The following DLG2 variants were observed in gnomAD, a reference collection of about 807,000 sequenced individuals.
The protein encoded by DLG2 is disks large homolog 2.
DLG2 carries 45 observed loss-of-function variants against 132.5 expected under a neutral mutation model. The observed-to-expected ratio is 0.34, with a 90% CI of 0.27 to 0.44. DLG2 has a LOEUF of 0.44. Among genes scored for constraint, DLG2 ranks in the 20% least tolerant of loss-of-function variants. DLG2 has a pLI of 1.00. For synonymous variants in DLG2, 424 were observed against 419.6 expected, an observed-to-expected ratio of 1.01 and a Z score of -0.13; for missense variants, 1,045 against 1,196.9, an observed-to-expected ratio of 0.87 and a Z score of 1.87.
chr11:83,827,539 CA>C (rs2053232013), intron 17 of DLG2, among the ~76,000 whole-genome samples: 2 of 152,180 alleles, frequency 1.3e-5, no homozygotes, highest in African/African-American at 4.8e-5. Context: ...TCTGGCAATA[CA>C]TATTCCCAAT....
At chr11:83,638,931 G>A (rs2065611178) in intron 18 of DLG2, among the ~76,000 whole-genome samples, 1 of 152,182 alleles carries the variant, frequency 6.6e-6, no homozygotes, top group Non-Finnish European at 1.5e-5. Context: ...ACACAGTGAG[G>A]GGGGCTCTGC....
chr11:84,835,383 C>A (rs574539574), intron 6 of DLG2, among the ~76,000 whole-genome samples: 3 of 151,568 alleles, frequency 2.0e-5, no homozygotes, highest in Non-Finnish European at 4.4e-5. Context: ...CTCATTTAGA[C>A]TCTCTATGGC....
intron 3 of DLG2, chr11:85,335,984 T>C (rs1284202480): frequency 1.3e-5 from 2 of 152,206 alleles, no homozygotes; most frequent in Admixed American, 6.5e-5. Flanking sequence ...TATTTGCACA[T>C]GCTGAATATA....
intron 18 of DLG2, chr11:83,682,389 G>A: frequency 4.1e-6 from 4 of 985,350 alleles, no homozygotes; most frequent in Non-Finnish European, 4.8e-6. Flanking sequence ...CGCTCACTGG[G>A]TACATATATT....
At chr11:85,130,510 A>T (rs1480012777) in intron 5 of DLG2, among the ~76,000 whole-genome samples, 1 of 152,206 alleles carries the variant, frequency 6.6e-6, no homozygotes, top group African/African-American at 2.4e-5. Context: ...TCCTGCCACT[A>T]AAAACTTGAC....
chr11:84,318,235 A>T (rs891118472), intron 7 of DLG2, among the ~76,000 whole-genome samples: 2 of 152,234 alleles, frequency 1.3e-5, no homozygotes, highest in Non-Finnish European at 2.9e-5. Flanking sequence ...AAATTTTAGC[A>T]TGCTTGCTGA....
At chr11:84,492,993 TTAAAA>T (rs1434358315) in intron 7 of DLG2, among the ~76,000 whole-genome samples, 1 of 152,136 alleles carries the variant, frequency 6.6e-6, no homozygotes, top group East Asian at 1.9e-4. Flanking sequence ...TTCTATGATC[TTAAAA>T]TGAAATGGCC....
chr11:84,589,685 A>G (rs770572558), intron 6 of DLG2, among the ~76,000 whole-genome samples: 1 of 152,184 alleles, frequency 6.6e-6, no homozygotes, highest in East Asian at 1.9e-4. Context: ...TTCTATAATT[A>G]TATATTTACC....
At chr11:84,347,181 A>C (rs553962819) in intron 7 of DLG2, among the ~76,000 whole-genome samples, 2 of 152,156 alleles carry the variant, frequency 1.3e-5, no homozygotes, top group African/African-American at 4.8e-5. Context: ...GCTTGGCAGT[A>C]ATTGGTTAGG....
rs1018617133 is a variant in DLG2 at position 85,001,402 on chromosome 11, A to G, written c.357+110259T>C. On this transcript the variant is annotated intron_variant, in intron 6 of 27. Transcript: ENST00000376104. The stretch of plus-strand genomic sequence containing the variant: ...CTTAGAGAGGTAACCCAGCAAAGAA[A>G]TGTTGAGACATGATGAGAATGAGGT... 2.0e-5 allele frequency among the ~76,000 whole-genome samples: 3 copies of G among 152,206 alleles called. No individual in the cohort carries two copies. The East Asian group carries it at 5.8e-4, about 29-fold the overall frequency.
intron 6 of DLG2, among the ~76,000 whole-genome samples, chr11:84,912,595 C>T (rs1254057309): frequency 6.6e-6 from 1 of 152,234 alleles, no homozygotes; most frequent in Non-Finnish European, 1.5e-5. Flanking sequence ...AATTAAGCAT[C>T]AGAAAAACTG....
intron 6 of DLG2, among the ~76,000 whole-genome samples, chr11:85,015,807 C>T (rs746788683): frequency 8.6e-5 from 13 of 152,030 alleles, no homozygotes; most frequent in Non-Finnish European, 1.9e-4. Flanking sequence ...TATGGAACTT[C>T]GTGCCATGAT....
intron 6 of DLG2, among the ~76,000 whole-genome samples, chr11:84,581,013 T>C (rs1404606210): frequency 6.6e-6 from 1 of 152,226 alleles, no homozygotes; most frequent in Non-Finnish European, 1.5e-5. Flanking sequence ...AGATCTTCTG[T>C]TGAGAGAAGC....
chr11:85,506,268 T>C (rs556126595), intron 3 of DLG2, among the ~76,000 whole-genome samples: 5 of 152,196 alleles, frequency 3.3e-5, no homozygotes, highest in Non-Finnish European at 5.9e-5. Flanking sequence ...CTTTTGAATG[T>C]GTTTGCTCTT....
intron 15 of DLG2, among the ~76,000 whole-genome samples, chr11:83,892,036 GA>G (rs1211720995): frequency 6.6e-6 from 1 of 152,142 alleles, no homozygotes; most frequent in Non-Finnish European, 1.5e-5. Context: ...ATAGGTAACA[GA>G]ATAAAAGGCC....
chr11:83,696,860 C>T (rs942578256), intron 18 of DLG2, among the ~76,000 whole-genome samples: 1 of 152,160 alleles, frequency 6.6e-6, no homozygotes, highest in Admixed American at 6.5e-5. Context: ...TTGCAAAGCA[C>T]TATGGGAGCC....
intron 19 of DLG2, among the ~76,000 whole-genome samples, chr11:83,545,282 G>T (rs1201035879): frequency 6.6e-6 from 1 of 152,168 alleles, no homozygotes; most frequent in African/African-American, 2.4e-5. Flanking sequence ...GAGTTATGGT[G>T]AGGATTAAAT....
chr11:84,842,460 G>A (rs2080817281), intron 6 of DLG2, among the ~76,000 whole-genome samples: 1 of 151,904 alleles, frequency 6.6e-6, no homozygotes, highest in Admixed American at 6.6e-5. Context: ...TCACTACTGA[G>A]CAGGGTGATG....
intron 6 of DLG2, chr11:84,955,315 C>T (rs1161413936): frequency 6.6e-6 from 1 of 152,172 alleles, no homozygotes; most frequent in Non-Finnish European, 1.5e-5. Flanking sequence ...ACCTATGCAG[C>T]TGACTTTATT....
Sources: allele counts gnomAD v4.1 joint callset (sites outside exome capture counted in the v4.1 genomes callset), GRCh38; gene constraint gnomAD v4.1.1; transcripts MANE v1.5; gene names NCBI Gene and HGNC (gene_info 2026-07-23, HGNC 2026-07-21).